Variants in TRIOBP observed in about 807,000 individuals in gnomAD.
The protein encoded by TRIOBP is TRIO and F-actin binding protein.
A neutral mutation model predicts 238.8 loss-of-function variants in TRIOBP; 169 were observed. That is an observed-to-expected ratio of 0.71 (90% confidence interval 0.62 to 0.80). TRIOBP has a LOEUF of 0.80. Ranked by LOEUF, TRIOBP falls within the 30% of genes least tolerant of loss-of-function variation. The pLI is 0.00. For missense variants in TRIOBP, 2,838 were observed against 3,122.6 expected, an observed-to-expected ratio of 0.91 and a Z score of 2.17; for synonymous variants, 1,150 against 1,274.4, an observed-to-expected ratio of 0.90 and a Z score of 2.08.
chr22:37,700,718 G>C (rs1003086536), intron 2 of TRIOBP, among the ~76,000 whole-genome samples: 6 of 151,400 alleles, frequency 4.0e-5, no homozygotes, highest in Non-Finnish European at 8.8e-5. Context: ...TTGAGATGAA[G>C]TCTCACTCTG....
At chr22:37,732,750 C>G (rs1312002621) in intron 7 of TRIOBP, among the ~76,000 whole-genome samples, 2 of 152,148 alleles carry the variant, frequency 1.3e-5, no homozygotes, top group Non-Finnish European at 2.9e-5. Context: ...GAATGGAACA[C>G]GGGGGCACAC....
Position 37,757,614 on chromosome 22 carries a change from C to A in TRIOBP, c.5689C>A (p.Leu1897Ile). ...RPTSAPDVTK[L>I]SDSNKENALH... ...GACGTGGCTCTGCTGGTGCCCTAGGCTCTCGGACTCTAACAAGGAGAACGC... is the reference window on the plus strand; with the variant it reads ...GACGTGGCTCTGCTGGTGCCCTAGGATCTCGGACTCTAACAAGGAGAACGC... Residue 1897 changes from leucine (L) to isoleucine (I), a missense_variant and splice_region_variant, in exon 16 of 24, where the codon CTC becomes ATC. Transcript: ENST00000644935. 6.3e-7 allele frequency: 1 copy of A among 1,579,786 alleles called. No individual in the cohort carries two copies. The highest frequency in any genetic ancestry group is 8.6e-7 in the Non-Finnish European group (1 of 1,165,974).
chr22:37,754,736 A>G, intron 12 of TRIOBP, 141 bp from the exon 13 acceptor site: 1 of 789,334 alleles, frequency 1.3e-6, no homozygotes, highest in Non-Finnish European at 2.2e-6. Context: ...TGAGGCTCAG[A>G]GAGGAAATGG....
chr22:37,776,146 C>T lies in TRIOBP; in HGVS notation c.*2366C>T, dbSNP rs1351174698. On this transcript the variant is annotated 3_prime_UTR_variant, in exon 24 of 24. Coordinates refer to ENST00000644935, the MANE Select transcript of TRIOBP (RefSeq NM_001039141.3). The stretch of plus-strand genomic sequence containing the variant: ...CAGGAACATCCTCTTCACCAACCCC[C>T]CTCCCATCCCTCCTCAGGGCTGCCT... 1 of 152,426 alleles carries T rather than the reference C, an allele frequency of 6.6e-6. No homozygotes were observed. Among genetic ancestry groups the T allele is most frequent in the East Asian group, 1.9e-4 (1 of 5,190 alleles). The allele number at this position is 152,426 out of a possible 1,614,324, so 9.4% of individuals were successfully genotyped here. A position where few individuals can be genotyped will look rare whatever the true frequency, so the allele number is the denominator to read the frequency against.
chr22:37,725,184 G>T lies in TRIOBP; in HGVS notation c.2628G>T (p.Glu876Asp). ...TSSSQCCTQK[E>D]NLRPSSPHRS... is the part of the protein sequence containing the mutation. ...CATCTCAATGCTGCACCCAAAAGGAGAATCTGAGACCATCATCTCCCCACC... is the reference window on the plus strand; with the variant it reads ...CATCTCAATGCTGCACCCAAAAGGATAATCTGAGACCATCATCTCCCCACC... The change falls in exon 7 of 24, where the codon GAG becomes GAT. Residue 876 changes from glutamate to aspartate, a missense_variant. Physicochemically the swap from Glu to Asp is conservative, Grantham distance 45. This residue lies in a region of TRIOBP where 2,096 missense variants were observed against 2,137.4 expected (regional missense o/e 0.98). Transcript: ENST00000644935. The T allele has an allele frequency of 6.2e-7, 1 of 1,613,994 alleles. No homozygotes were observed. Among genetic ancestry groups the T allele is most frequent in the South Asian group, 1.1e-5 (1 of 91,068 alleles).
chr22:37,772,481 C>A, intron 22 of TRIOBP, 120 bp from the exon 23 acceptor site: 1 of 1,432,150 alleles, frequency 7.0e-7, no homozygotes, highest in Non-Finnish European at 9.7e-7. Flanking sequence ...TGGGGAGCCA[C>A]CTGGAGGGAT....
intron 11 of TRIOBP, among the ~76,000 whole-genome samples, chr22:37,749,662 GT>G (rs1163978423): frequency 1.3e-5 from 2 of 151,554 alleles, no homozygotes; most frequent in East Asian, 3.9e-4. Context: ...ACTCACATTG[GT>G]TGGCCGGGCA....
chr22:37,758,055 G>T lies in TRIOBP; in HGVS notation c.6130G>T (p.Val2044Leu). Reference protein sequence around the residue: ...EKLPLRENKRVPLTALLNQSR... With the variant: ...EKLPLRENKRLPLTALLNQSR... ...GCTGCCCCTGCGGGAGAATAAGCGG[G>T]TGCCCCTCACTGCCCTGCTCAACCA... Residue 2044 changes from valine (V) to leucine (L), a missense_variant, in exon 16 of 24, where the codon GTG becomes TTG. By Grantham distance (32) the Val-to-Leu change is conservative (BLOSUM62 1). Coordinates refer to ENST00000644935, the MANE Select transcript of TRIOBP (RefSeq NM_001039141.3). 1.2e-6 allele frequency: 2 copies of T among 1,612,052 alleles called. No homozygotes were observed. Among genetic ancestry groups the T allele is most frequent in the Non-Finnish European group, 1.7e-6 (2 of 1,179,872 alleles).
Position 37,725,907 on chromosome 22 carries a change from A to C in TRIOBP, c.3351A>C (p.Arg1117=). The part of the protein sequence containing the change: ...QLPAPVCIGY[R]DAPRASSPPR... ...CTGCACCTGTGTGTATTGGGTACCG[A>C]GATGCACCCCGGGCCTCCTCCCCAC... is the stretch of plus-strand genomic sequence containing the variant. The change falls in exon 7 of 24, where the codon CGA becomes CGC. Residue 1117 remains arginine (R), a synonymous_variant. Coordinates refer to ENST00000644935, the MANE Select transcript of TRIOBP (RefSeq NM_001039141.3). 1 of 1,611,896 alleles carries C rather than the reference A, an allele frequency of 6.2e-7. No individual in the cohort carries two copies. The highest frequency in any genetic ancestry group is 8.5e-7 in the Non-Finnish European group (1 of 1,179,456).
intron 15 of TRIOBP, 121 bp downstream of exon 15, chr22:37,755,780 A>T: frequency 1.2e-6 from 1 of 802,880 alleles, no homozygotes; most frequent in Non-Finnish European, 2.2e-6. Flanking sequence ...TGTCAACAAC[A>T]TGGGAAGAGA....
At chr22:37,735,520 C>T in intron 9 of TRIOBP, 78 bp downstream of exon 9, 2 of 1,495,078 alleles carry the variant, frequency 1.3e-6, no homozygotes, top group African/African-American at 2.8e-5. Context: ...AAAGCCTCCC[C>T]TTGGAGTAGC....
At position 37,772,739 on chromosome 22, in the gene TRIOBP, A is replaced by T; in HGVS notation, c.7075A>T (p.Met2359Leu). ...GGCCGCCCTCCAGGAGAAGGAGTCGATGCGCAACAGCCTGGCTGAGTAGAG... is the reference window on the plus strand; with the variant it reads ...GGCCGCCCTCCAGGAGAAGGAGTCGTTGCGCAACAGCCTGGCTGAGTAGAG... ...AMAALQEKES[M>L]RNSLAE The change falls in exon 23 of 24, where the codon ATG becomes TTG. Residue 2359 changes from methionine (M) to leucine (L), a missense_variant. Coordinates refer to ENST00000644935, the MANE Select transcript of TRIOBP (RefSeq NM_001039141.3). 1 of 1,613,742 alleles carries T rather than the reference A, an allele frequency of 6.2e-7. No homozygotes were observed. The highest frequency in any genetic ancestry group is 1.1e-5 in the South Asian group (1 of 91,082).
chr22:37,740,796 T>C (rs1045190888), intron 10 of TRIOBP, 99 bp from the exon 11 acceptor site: 9 of 1,518,042 alleles, frequency 5.9e-6, no homozygotes, highest in Non-Finnish European at 6.3e-6. Flanking sequence ...TGGGGCTCCA[T>C]GGTGGGGGGC....
Position 37,726,190 on chromosome 22 carries a change from C to T in TRIOBP, c.3634C>T (p.Leu1212=), listed in dbSNP as rs757924219. ...STDSLHGSPV[L]IPQVCIGHRD... ...TGACTCTCTGCATGGCTCCCCAGTG[C>T]TGATCCCCCAAGTGTGCATCGGGCA... Residue 1212 remains leucine (L), a synonymous_variant, in exon 7 of 24, where the codon CTG becomes TTG. Transcript: ENST00000644935. 2 of 1,580,022 alleles carry T rather than the reference C, an allele frequency of 1.3e-6. No individual in the cohort carries two copies. The highest frequency in any genetic ancestry group is 2.4e-5 in the East Asian group (1 of 41,438).
rs755072578 is a variant in TRIOBP at position 37,735,320 on chromosome 22, A to G, written c.4984A>G (p.Thr1662Ala). 1.9e-6 allele frequency: 3 copies of G among 1,613,032 alleles called. No homozygotes were observed. The South Asian group carries it at 3.3e-5, about 18-fold the overall frequency. Residue 1662 changes from threonine (T) to alanine (A), a missense_variant, in exon 9 of 24, where the codon ACC (threonine) becomes GCC (alanine). Physicochemically the swap from Thr to Ala is moderately conservative, Grantham distance 58. Around this residue, in one of 5 missense-constraint regions of TRIOBP, gnomAD observed 2,096 missense variants for 2,137.4 expected, o/e 0.98. Transcript: ENST00000644935. ...VQLPSPACTSTQWPKIKVTRG... is the reference protein window; with the variant it reads ...VQLPSPACTSAQWPKIKVTRG... ...GCTGCCCAGCCCTGCCTGCACCTCC[A>G]CCCAGTGGCCAAAGATCAAAGTGAC... is the stretch of plus-strand genomic sequence containing the variant.
At chr22:37,717,876 C>T (rs976078204) in intron 6 of TRIOBP, among the ~76,000 whole-genome samples, 10 of 152,228 alleles carry the variant, frequency 6.6e-5, no homozygotes, top group East Asian at 1.9e-4. Flanking sequence ...TGGGACTGGG[C>T]GCTGTGGAGC....
chr22:37,717,591 A>G (rs920851027), intron 6 of TRIOBP, among the ~76,000 whole-genome samples: 51 of 152,310 alleles, frequency 3.3e-4, no homozygotes, highest in African/African-American at 1.2e-3. Flanking sequence ...CAAGTCCCCA[A>G]CAGAGTAGCT....
intron 17 of TRIOBP, among the ~76,000 whole-genome samples, chr22:37,760,717 G>A (rs913059568): frequency 6.6e-6 from 1 of 152,194 alleles, no homozygotes; most frequent in Non-Finnish European, 1.5e-5. Context: ...GCTCACGCCT[G>A]TAATCCCAGC....
At position 37,725,144 on chromosome 22, in the gene TRIOBP, AC is replaced by A. The variant is rs778064754; in HGVS notation, c.2591del (p.Pro864LeufsTer15). 4 of 1,614,104 alleles carry A rather than the reference AC, an allele frequency of 2.5e-6. No individual in the cohort carries two copies. The highest frequency in any genetic ancestry group is 2.5e-6 in the Non-Finnish European group (3 of 1,180,012). ...RTQSFSFQRDNPGTSSSQCCT... is the reference protein window; with the variant it reads ...RTQSFSFQRDXPGTSSSQCCT... ...CAGTCCTTTTCCTTTCAACGAGACA[AC>A]CCTGGAACCTCCTCATCTCAATGCT... On this transcript the variant is annotated frameshift_variant, in exon 7 of 24. Transcript: ENST00000644935. LOFTEE classifies it high-confidence loss of function.
Sources: allele counts gnomAD v4.1 joint callset (sites outside exome capture counted in the v4.1 genomes callset), GRCh38; gene constraint gnomAD v4.1.1; regional missense constraint gnomAD v4.1.1; transcripts MANE v1.5; gene names NCBI Gene and HGNC (gene_info 2026-07-23, HGNC 2026-07-21).